ING5: variants seen among roughly 807,000 people sequenced by gnomAD.
ING5 encodes inhibitor of growth family member 5.
A neutral mutation model predicts 37.4 loss-of-function variants in ING5; 17 were observed. The observed-to-expected ratio is 0.45, with a 90% CI of 0.31 to 0.68. The LOEUF is 0.68. Among genes scored for constraint, ING5 ranks in the 30% least tolerant of loss-of-function variants. ING5 has a pLI of 0.05. For synonymous variants in ING5, 123 were observed against 116.6 expected, an observed-to-expected ratio of 1.06 and a Z score of -0.36; for missense variants, 233 against 311.9, an observed-to-expected ratio of 0.75 and a Z score of 1.91.
intron 2 of ING5, among the ~76,000 whole-genome samples, chr2:241,691,144 T>C (rs1189302401): frequency 6.6e-6 from 1 of 151,326 alleles, no homozygotes; most frequent in Non-Finnish European, 1.5e-5. Context: ...AGATTTTCCA[T>C]TTAAAAAAAA....
intron 3 of ING5, 94 bp downstream of exon 3, chr2:241,709,476 C>T: frequency 8.1e-7 from 1 of 1,232,214 alleles, no homozygotes; most frequent in Non-Finnish European, 1.1e-6. Flanking sequence ...ATGGGCATAG[C>T]CAAGTGGAAG....
intron 5 of ING5, chr2:241,721,517 GGC>G: frequency 1.0e-6 from 1 of 985,448 alleles, no homozygotes; most frequent in South Asian, 4.7e-5. Flanking sequence ...CAATTGCAAA[GGC>G]GTAGAAAAGC....
At chr2:241,714,728 C>T (rs1450260689) in intron 5 of ING5, among the ~76,000 whole-genome samples, 4 of 152,004 alleles carry the variant, frequency 2.6e-5, no homozygotes, top group Non-Finnish European at 5.9e-5. Flanking sequence ...CCTCAGCTCC[C>T]GAGTAGCTGG....
intron 1 of ING5, among the ~76,000 whole-genome samples, 156 bp from the exon 2 acceptor site, chr2:241,704,497 G>A (rs1368940516): frequency 6.6e-6 from 1 of 152,166 alleles, no homozygotes; most frequent in Non-Finnish European, 1.5e-5. Context: ...GAACCTGGGA[G>A]GTGTAGGTTG....
chr2:241,705,954 C>T (rs1011013280), intron 2 of ING5, among the ~76,000 whole-genome samples: 2 of 151,292 alleles, frequency 1.3e-5, no homozygotes, highest in Non-Finnish European at 2.9e-5. Context: ...GCCATGCCAC[C>T]TGCTGTGCTT....
At chr2:241,689,063 A>C (rs2069505415) in intron 1 of ING5, among the ~76,000 whole-genome samples, 1 of 151,682 alleles carries the variant, frequency 6.6e-6, no homozygotes, top group Admixed American at 6.6e-5. Context: ...AGCCTCCCAA[A>C]GTGCTGAGAT....
At chr2:241,689,103 T>C (rs1377322662) in intron 1 of ING5, among the ~76,000 whole-genome samples, 2 of 140,972 alleles carry the variant, frequency 1.4e-5, no homozygotes, top group Non-Finnish European at 3.1e-5. Context: ...GCCCGGCCAA[T>C]TTATTTTTTA....
intron 5 of ING5, among the ~76,000 whole-genome samples, chr2:241,715,964 T>C (rs1185793343): frequency 6.6e-6 from 1 of 152,016 alleles, no homozygotes; most frequent in African/African-American, 2.4e-5. Context: ...AGCTAATTTT[T>C]GTATTTTTAA....
intron 2 of ING5, among the ~76,000 whole-genome samples, chr2:241,692,005 G>A (rs768963571): frequency 1.7e-4 from 26 of 152,028 alleles, no homozygotes; most frequent in Non-Finnish European, 3.2e-4. Flanking sequence ...CCATGGTTGC[G>A]CCACTGCACT....
rs113819262 is a variant in ING5 at position 241,709,328 on chromosome 2, G to A, written c.222G>A (p.Lys74=). 4.9e-3 allele frequency: 7,877 copies of A among 1,614,058 alleles called. 27 individuals carry two copies. The highest frequency in any genetic ancestry group is 6.2e-3 in the Non-Finnish European group (7,280 of 1,180,006). The change falls in exon 3 of 8, where the codon AAG becomes AAA. Residue 74 remains lysine (K), a synonymous_variant. Transcript: ENST00000313552. Reference sequence around the variant, plus strand: ...AGAAGATCCAGAACGCCTACAGCAAGTGCAAGGAATACAGTGACGACAAAG... The same window carrying A: ...AGAAGATCCAGAACGCCTACAGCAAATGCAAGGAATACAGTGACGACAAAG... ...RLQKIQNAYS[K]CKEYSDDKVQ... is the part of the protein sequence containing the mutation.
At chr2:241,688,306 T>G (rs1475571849) in intron 1 of ING5, among the ~76,000 whole-genome samples, 1 of 149,618 alleles carries the variant, frequency 6.7e-6, no homozygotes, top group Non-Finnish European at 1.5e-5. Flanking sequence ...GCTGTTCTGT[T>G]TTCAGAACCA....
At position 241,726,462 on chromosome 2, in the gene ING5, TGAGAACAA is replaced by T. The variant is rs1691625975; in HGVS notation, c.*1442_*1449del. The T allele has an allele frequency of 2.6e-5, 4 of 152,110 alleles. No homozygotes were observed. Among genetic ancestry groups the T allele is most frequent in the Admixed American group, 6.5e-5 (1 of 15,272 alleles). 9.4% of individuals were successfully genotyped at this position (152,110 alleles called of 1,614,324 possible). A position where few individuals can be genotyped will look rare whatever the true frequency, so the allele number is the denominator to read the frequency against. On this transcript the variant is annotated 3_prime_UTR_variant, in exon 8 of 8. Coordinates refer to ENST00000313552, the MANE Select transcript of ING5 (RefSeq NM_032329.6). ...CGTCGAGAAGCTGGTAGTCAGTGAGTGAGAACAAGAGAACAAGAACACCCTGAACAGTC... is the reference window on the plus strand; with the variant it reads ...CGTCGAGAAGCTGGTAGTCAGTGAGTGAGAACAAGAACACCCTGAACAGTC...
intron 7 of ING5, chr2:241,723,675 G>A (rs968288646): frequency 2.0e-5 from 26 of 1,284,012 alleles, no homozygotes; most frequent in African/African-American, 1.0e-4. Context: ...CCCTGAAGCC[G>A]GGGCATGGAT....
In ING5 at chr2:241,702,704, T is replaced by C. The variant is rs560561312; in HGVS notation, c.37+602T>C. Among the ~76,000 whole-genome samples the C allele has an allele frequency of 9.9e-5, 15 of 152,284 alleles. No individual in the cohort carries two copies. The East Asian group carries it at 2.9e-3, about 29-fold the overall frequency. On this transcript the variant is annotated intron_variant, in intron 1 of 7. Transcript: ENST00000313552. The stretch of plus-strand genomic sequence containing the variant: ...GCCCTGGTGGGCGGGCTGTGCTGTT[T>C]CCAGGTGGCAGCAGGTCGGCGCCCC...
upstream of ING5, among the ~76,000 whole-genome samples, chr2:241,700,158 T>G (rs1383196465): frequency 2.2e-5 from 3 of 138,126 alleles, no homozygotes; most frequent in Non-Finnish European, 4.6e-5. Context: ...AAGTTTTTTT[T>G]TTTTTTTTTT....
intron 2 of ING5, among the ~76,000 whole-genome samples, chr2:241,705,028 C>T (rs923309463): frequency 6.6e-6 from 1 of 152,106 alleles, no homozygotes; most frequent in African/African-American, 2.4e-5. Flanking sequence ...GTAGTGCGTG[C>T]ATTGTTTTAA....
chr2:241,687,090 G>A (rs1389787026), exon 1 of ING5: 2 of 392,518 alleles, frequency 5.1e-6, no homozygotes, highest in African/African-American at 2.1e-5. Context: ...GACGCGGCGC[G>A]GGCTGGACGG....
intron 5 of ING5, among the ~76,000 whole-genome samples, chr2:241,717,049 C>T (rs2070293846): frequency 6.6e-6 from 1 of 151,902 alleles, no homozygotes; most frequent in African/African-American, 2.4e-5. Context: ...ATAGTTACCT[C>T]ATATAGTTGC....
At chr2:241,719,731 A>G (rs935151053) in intron 5 of ING5, 218 of 1,468,496 alleles carry the variant, frequency 1.5e-4, no homozygotes, top group Non-Finnish European at 1.8e-4. Context: ...CAGAGACCTC[A>G]GGAACAGCCA....
Sources: gnomAD v4.1 joint callset for allele counts (sites outside exome capture counted in the v4.1 genomes callset) on GRCh38, gnomAD v4.1.1 for gene constraint, MANE v1.5 for transcripts, NCBI Gene and HGNC (gene_info 2026-07-23, HGNC 2026-07-21) for gene names.